The following ATP10D variants were observed in gnomAD, a reference collection of about 807,000 sequenced individuals.
ATP10D encodes ATPase phospholipid transporting 10D (putative), also known as phospholipid-transporting ATPase VD.
ATP10D carries 89 observed loss-of-function variants against 144.8 expected under a neutral mutation model. The ratio of observed to expected loss-of-function variants is 0.61; its 90% CI spans 0.52 to 0.73. The LOEUF (loss-of-function observed/expected upper bound fraction) is 0.73, where lower values mean the gene tolerates loss of function less well. Among genes scored for constraint, ATP10D ranks in the 30% least tolerant of loss-of-function variants. The pLI, the probability that ATP10D is intolerant of heterozygous loss-of-function variation, is 0.00. For missense variants in ATP10D, 1,603 were observed against 1,714.8 expected, an observed-to-expected ratio of 0.93 and a Z score of 1.15; for synonymous variants, 571 against 615.1, an observed-to-expected ratio of 0.93 and a Z score of 1.06.
chr4:47,591,235 C>T lies in ATP10D; in HGVS notation c.4135C>T (p.Pro1379Ser). 6.2e-7 allele frequency: 1 copy of T among 1,613,556 alleles called. No individual in the cohort carries two copies. Among genetic ancestry groups the T allele is most frequent in the African/African-American group, 1.3e-5 (1 of 74,988 alleles). The change falls in exon 23 of 23, where the codon CCT becomes TCT. Residue 1379 changes from proline to serine, a missense_variant. Physicochemically the swap from Pro to Ser is moderately conservative, Grantham distance 74. Transcript: ENST00000273859. ...GTCAGGAAGAAGACCCATGCCTGGCCCTTCTGCTGTATTTGCAATGAAGTC... is the reference window on the plus strand; with the variant it reads ...GTCAGGAAGAAGACCCATGCCTGGCTCTTCTGCTGTATTTGCAATGAAGTC... ...GKSGRRPMPGPSAVFAMKSAS... is the reference protein window; with the variant it reads ...GKSGRRPMPGSSAVFAMKSAS...
At chr4:47,531,547 C>T (rs896501323) in intron 5 of ATP10D, among the ~76,000 whole-genome samples, 5 of 152,124 alleles carry the variant, frequency 3.3e-5, no homozygotes, top group Non-Finnish European at 7.4e-5. Context: ...TAAAAAGAAA[C>T]ATTTATCCTG....
intron 6 of ATP10D, 136 bp downstream of exon 6, chr4:47,535,751 T>C (rs1276857107): frequency 7.6e-7 from 1 of 1,322,680 alleles, no homozygotes; most frequent in Non-Finnish European, 1.0e-6. Flanking sequence ...GTCTCTGTTT[T>C]TCTAAATGGA....
chr4:47,507,952 G>A (rs373162487), intron 1 of ATP10D, among the ~76,000 whole-genome samples: 1 of 152,294 alleles, frequency 6.6e-6, no homozygotes, highest in Non-Finnish European at 1.5e-5. Context: ...CATTTGGAGA[G>A]GTGCAAAGTG....
In ATP10D at chr4:47,568,974, C is replaced by T; in HGVS notation, c.2991C>T (p.Leu997=). ...GGGACTCAGGGTTACGAGCTGGACT[C>T]ATTATCACTGGGAAGACCCTGGAGT... ...VPRDSGLRAG[L]IITGKTLEFA... is the part of the protein sequence containing the mutation. The change falls in exon 16 of 23, where the codon CTC becomes CTT. Residue 997 remains leucine, a synonymous_variant. Coordinates refer to ENST00000273859, the MANE Select transcript of ATP10D (RefSeq NM_020453.4). 1 of 1,614,190 alleles carries T rather than the reference C, an allele frequency of 6.2e-7. No individual in the cohort carries two copies.
chr4:47,512,895 AT>A (rs1462422098), intron 2 of ATP10D, 65 bp downstream of exon 2: 11 of 1,430,914 alleles, frequency 7.7e-6, no homozygotes, highest in Non-Finnish European at 8.5e-6. Flanking sequence ...CATATTTTTC[AT>A]TTTCATAACC....
At chr4:47,526,727 T>G (rs1275199192) in intron 5 of ATP10D, among the ~76,000 whole-genome samples, 5 of 152,150 alleles carry the variant, frequency 3.3e-5, no homozygotes, top group Non-Finnish European at 7.4e-5. Context: ...TGCTAATAAT[T>G]AGCAGATATT....
In ATP10D at chr4:47,558,976, C is replaced by A. The variant is rs749255964; in HGVS notation, c.2488C>A (p.His830Asn). ...QMIVREKTQKHLDDYAKQGLR... is the reference protein window; with the variant it reads ...QMIVREKTQKNLDDYAKQGLR... ...GATAGTAAGGGAGAAAACCCAGAAG[C>A]ACTTGGATGACTATGCCAAACAAGG... is the stretch of plus-strand genomic sequence containing the variant. The change falls in exon 13 of 23, where the codon CAC becomes AAC. Residue 830 changes from histidine to asparagine, a missense_variant. His to Asn is a moderately conservative substitution (Grantham distance 68). Transcript: ENST00000273859. 10 of 1,614,130 alleles carry A rather than the reference C, an allele frequency of 6.2e-6. No homozygotes were observed. Among genetic ancestry groups the A allele is most frequent in the Non-Finnish European group, 8.5e-6 (10 of 1,180,000 alleles).
chr4:47,569,005 C>G lies in ATP10D; in HGVS notation c.3022C>G (p.Leu1008Val), dbSNP rs768736337. ...IITGKTLEFALQESLQKQFLE... is the reference protein window; with the variant it reads ...IITGKTLEFAVQESLQKQFLE... ...CACTGGGAAGACCCTGGAGTTTGCC[C>G]TGCAAGAAAGTCTGCAAAAGCAGTT... Residue 1008 changes from leucine to valine, a missense_variant, in exon 16 of 23, where the codon CTG becomes GTG. Coordinates refer to ENST00000273859, the MANE Select transcript of ATP10D (RefSeq NM_020453.4). The G allele has an allele frequency of 3.1e-6, 5 of 1,614,100 alleles. No individual in the cohort carries two copies. The highest frequency in any genetic ancestry group is 3.4e-6 in the Non-Finnish European group (4 of 1,180,038).
intron 1 of ATP10D, among the ~76,000 whole-genome samples, chr4:47,500,028 G>C (rs1329113501): frequency 6.6e-6 from 1 of 152,182 alleles, no homozygotes; most frequent in Non-Finnish European, 1.5e-5. Flanking sequence ...CACATTTAGA[G>C]GCAGTGTGTA....
chr4:47,539,323 T>C (rs1291427555), intron 9 of ATP10D, among the ~76,000 whole-genome samples: 1 of 152,202 alleles, frequency 6.6e-6, no homozygotes, highest in Non-Finnish European at 1.5e-5. Flanking sequence ...AAGTGTTTAT[T>C]ATGTAATCAC....
intron 1 of ATP10D, among the ~76,000 whole-genome samples, chr4:47,505,690 C>T (rs974481720): frequency 6.6e-6 from 1 of 151,454 alleles, no homozygotes; most frequent in South Asian, 2.1e-4. Flanking sequence ...GAGCTGAGAT[C>T]GAGCCACCCC....
intron 1 of ATP10D, among the ~76,000 whole-genome samples, chr4:47,489,054 C>T (rs1233753000): frequency 6.6e-6 from 1 of 152,008 alleles, no homozygotes; most frequent in Non-Finnish European, 1.5e-5. Flanking sequence ...TTATAGCAGC[C>T]CAAATGGACT....
In ATP10D at chr4:47,559,609, G is replaced by A. The variant is rs113583152; in HGVS notation, c.2541+580G>A. ...AAATTATTTGAGAGATGTTCTCACC[G>A]GAACTTTTCATTTCTTACCCAAGGT... is the stretch of plus-strand genomic sequence containing the variant. On this transcript the variant is annotated intron_variant, in intron 13 of 22. Coordinates refer to ENST00000273859, the MANE Select transcript of ATP10D (RefSeq NM_020453.4). Among the ~76,000 whole-genome samples, 8 of 152,264 alleles carry A rather than the reference G, an allele frequency of 5.3e-5. 1 individual carries two copies. The highest frequency in any genetic ancestry group is 1.7e-4 in the African/African-American group (7 of 41,558).
At chr4:47,555,883 T>A (rs9291307) in intron 11 of ATP10D, among the ~76,000 whole-genome samples, 129,933 of 151,910 alleles carry the variant, frequency 0.86, 55,987 homozygotes, top group East Asian at 0.99. Flanking sequence ...CCTCCTGAGT[T>A]GCTGGGATTA....
At chr4:47,574,643 T>C (rs1474914068) in intron 18 of ATP10D, among the ~76,000 whole-genome samples, 1 of 152,134 alleles carries the variant, frequency 6.6e-6, no homozygotes, top group Non-Finnish European at 1.5e-5. Flanking sequence ...GCCCAGCACT[T>C]TGGGAGGCCG....
At chr4:47,494,880 A>G (rs1715272780) in intron 1 of ATP10D, among the ~76,000 whole-genome samples, 1 of 152,202 alleles carries the variant, frequency 6.6e-6, no homozygotes, top group South Asian at 2.1e-4. Context: ...TTCGCAGACT[A>G]CCATTTAAAT....
At chr4:47,548,374 G>A (rs1188602349) in intron 10 of ATP10D, among the ~76,000 whole-genome samples, 1 of 151,832 alleles carries the variant, frequency 6.6e-6, no homozygotes, top group Non-Finnish European at 1.5e-5. Context: ...ACCTTTTTCT[G>A]AAGACCTCTC....
At chr4:47,564,167 C>T (rs1577689284) in intron 15 of ATP10D, among the ~76,000 whole-genome samples, 2 of 152,204 alleles carry the variant, frequency 1.3e-5, no homozygotes, top group African/African-American at 4.8e-5. Context: ...GCTGGGATTA[C>T]GGGGTGAGCC....
intron 5 of ATP10D, among the ~76,000 whole-genome samples, chr4:47,532,723 A>T (rs1210851343): frequency 6.6e-6 from 1 of 152,216 alleles, no homozygotes; most frequent in Non-Finnish European, 1.5e-5. Flanking sequence ...GCTCTAAGGT[A>T]GAACTGACAT....
Sources: gnomAD v4.1 joint callset for allele counts (sites outside exome capture counted in the v4.1 genomes callset) on GRCh38, gnomAD v4.1.1 for gene constraint, MANE v1.5 for transcripts, NCBI Gene and HGNC (gene_info 2026-07-23, HGNC 2026-07-21) for gene names.